The following PLEKHA5 variants were observed in gnomAD, a reference collection of about 807,000 sequenced individuals.
PLEKHA5 encodes the protein pleckstrin homology domain-containing family A member 5.
A neutral mutation model predicts 181.9 loss-of-function variants in PLEKHA5; 55 were observed. That is an observed-to-expected ratio of 0.30 (90% CI 0.24 to 0.38). The LOEUF is 0.38. PLEKHA5 is among the 10% of genes least tolerant of loss of function. The probability of loss-of-function intolerance (pLI) is 1.00; values close to 1 mark genes in which losing one functional copy is unlikely to be tolerated. For synonymous variants in PLEKHA5, 535 were observed against 529.4 expected, an observed-to-expected ratio of 1.01 and a Z score of -0.15; for missense variants, 1,432 against 1,549.5, an observed-to-expected ratio of 0.92 and a Z score of 1.27.
At chr12:19,315,473 G>A (rs1457884138) in intron 16 of PLEKHA5, among the ~76,000 whole-genome samples, 2 of 152,012 alleles carry the variant, frequency 1.3e-5, no homozygotes, top group Non-Finnish European at 2.9e-5. Context: ...TTACCCTATT[G>A]TTTTTCCTTA....
chr12:19,335,846 GGT>G (rs2093384133), intron 20 of PLEKHA5, among the ~76,000 whole-genome samples: 1 of 151,992 alleles, frequency 6.6e-6, no homozygotes, highest in Non-Finnish European at 1.5e-5. Context: ...TGGCCAGGGT[GGT>G]CTCAAACTGC....
At chr12:19,334,829 A>AAAAAAATATAT in intron 20 of PLEKHA5, among the ~76,000 whole-genome samples, 4 of 18,608 alleles carry the variant, frequency 2.1e-4, no homozygotes, top group African/African-American at 4.9e-4. Context: ...AAAAAAAAAA[A>AAAAAAATATAT]ATATATATAT....
chr12:19,332,793 G>A (rs1406062457), intron 20 of PLEKHA5, among the ~76,000 whole-genome samples: 1 of 152,166 alleles, frequency 6.6e-6, no homozygotes, highest in Non-Finnish European at 1.5e-5. Flanking sequence ...CCAAGTAGCT[G>A]GGACTACAGA....
chr12:19,194,406 A>G (rs2052109447), intron 3 of PLEKHA5, among the ~76,000 whole-genome samples: 1 of 152,224 alleles, frequency 6.6e-6, no homozygotes, highest in East Asian at 1.9e-4. Context: ...CAATAAACAT[A>G]CAAGTGCATG....
chr12:19,219,974 A>G (rs1391581660), intron 3 of PLEKHA5, among the ~76,000 whole-genome samples: 1 of 152,164 alleles, frequency 6.6e-6, no homozygotes, highest in Admixed American at 6.6e-5. Flanking sequence ...TGATAGAAGA[A>G]TTGTAGATAG....
intron 15 of PLEKHA5, among the ~76,000 whole-genome samples, chr12:19,314,488 A>G (rs867256121): frequency 5.3e-5 from 8 of 152,078 alleles, no homozygotes; most frequent in Non-Finnish European, 2.9e-5. Flanking sequence ...CTCACCCTTT[A>G]GTTTACCCTT....
intron 3 of PLEKHA5, among the ~76,000 whole-genome samples, chr12:19,219,154 AGGGCTGACTTT>A (rs2058537998): frequency 6.6e-6 from 1 of 152,030 alleles, no homozygotes; most frequent in African/African-American, 2.4e-5. Flanking sequence ...GCATATACTA[AGGGCTGACTTT>A]TCACATACAT....
intron 15 of PLEKHA5, among the ~76,000 whole-genome samples, chr12:19,301,558 T>C (rs1394219115): frequency 6.6e-6 from 1 of 152,198 alleles, no homozygotes; most frequent in East Asian, 1.9e-4. Flanking sequence ...TTATTTGGAA[T>C]GGCACTAGCC....
intron 30 of PLEKHA5, among the ~76,000 whole-genome samples, chr12:19,369,031 T>TTTGTTG (rs954426989): frequency 6.6e-6 from 1 of 151,982 alleles, no homozygotes; most frequent in East Asian, 1.9e-4. Context: ...TTGTTTGTTT[T>TTTGTTG]TTGTTGTTGT....
At chr12:19,317,709 T>TA (rs35597898) in intron 16 of PLEKHA5, among the ~76,000 whole-genome samples, 55 of 145,240 alleles carry the variant, frequency 3.8e-4, no homozygotes, top group Middle Eastern at 6.9e-3. Flanking sequence ...AGACAGTTTA[T>TA]AAAAAAAAAA....
intron 8 of PLEKHA5, among the ~76,000 whole-genome samples, chr12:19,267,311 T>C (rs1181001947): frequency 2.0e-5 from 3 of 152,176 alleles, no homozygotes; most frequent in Non-Finnish European, 4.4e-5. Context: ...TTCCCACCAC[T>C]TGTAGAGAAT....
intron 30 of PLEKHA5, among the ~76,000 whole-genome samples, chr12:19,368,744 T>C (rs2095500720): frequency 6.6e-6 from 1 of 152,042 alleles, no homozygotes; most frequent in South Asian, 2.1e-4. Flanking sequence ...TGAGCCGAGA[T>C]CACGCCACTG....
intron 15 of PLEKHA5, among the ~76,000 whole-genome samples, chr12:19,305,719 G>T (rs843859): frequency 0.68 from 102,230 of 151,438 alleles, 38,636 homozygotes; most frequent in Non-Finnish European, 0.85. Context: ...AATTAACTGG[G>T]CATTGTGGCA....
chr12:19,144,343 G>C (rs2038294504), intron 3 of PLEKHA5, among the ~76,000 whole-genome samples: 1 of 152,206 alleles, frequency 6.6e-6, no homozygotes, highest in Non-Finnish European at 1.5e-5. Flanking sequence ...TATAACTGAG[G>C]TCATGAGTCT....
intron 3 of PLEKHA5, chr12:19,205,343 C>T (rs2055169319): frequency 6.1e-6 from 6 of 982,088 alleles, no homozygotes; most frequent in Non-Finnish European, 7.3e-6. Flanking sequence ...TCACGGTGTG[C>T]CCCTTTGTCA....
At chr12:19,372,746 T>TCACTTTGTCAC (rs2095614366) in intron 31 of PLEKHA5, 1 of 152,322 alleles carries the variant, frequency 6.6e-6, no homozygotes, top group African/African-American at 2.4e-5. Flanking sequence ...GTCACTTGTG[T>TCACTTTGTCAC]TTAAGCCTTT....
rs1045106081 is a variant in PLEKHA5, at chr12:19,130,412, C to T, written c.169+282C>T. On this transcript the variant is annotated intron_variant, in intron 2 of 31. Coordinates refer to ENST00000429027, the MANE Select transcript of PLEKHA5 (RefSeq NM_001256470.2). The surrounding 1 kb of genome is among the most constrained non-coding windows in gnomAD (Gnocchi z 4.5). ...CCCCCATCCCAGCCTAGACGACCCTCGCGACCCTAGAGTGGCGACGCTCCC... is the reference window on the plus strand; with the variant it reads ...CCCCCATCCCAGCCTAGACGACCCTTGCGACCCTAGAGTGGCGACGCTCCC... 3.3e-5 allele frequency among the ~76,000 whole-genome samples: 5 copies of T among 151,900 alleles called. No homozygotes were observed. The highest frequency in any genetic ancestry group is 6.6e-5 in the Admixed American group (1 of 15,262).
intron 21 of PLEKHA5, among the ~76,000 whole-genome samples, chr12:19,340,434 C>CCCTACTGGGA (rs1555167432): frequency 1.0e-4 from 13 of 125,252 alleles, no homozygotes; most frequent in Non-Finnish European, 1.9e-4. Flanking sequence ...GCCCGGCCAC[C>CCCTACTGGGA]ACCCCGTCTG....
chr12:19,199,333 A>G (rs1172867376), intron 3 of PLEKHA5, among the ~76,000 whole-genome samples: 2 of 152,218 alleles, frequency 1.3e-5, no homozygotes, highest in Admixed American at 6.5e-5. Flanking sequence ...GCAATAAAAT[A>G]TAAATAAAAA....
Sources: allele counts gnomAD v4.1 joint callset (sites outside exome capture counted in the v4.1 genomes callset), GRCh38; gene constraint gnomAD v4.1.1; non-coding constraint Gnocchi (gnomAD v3.1); transcripts MANE v1.5; gene names NCBI Gene and HGNC (gene_info 2026-07-23, HGNC 2026-07-21).